PKHD1: variants seen among roughly 807,000 people sequenced by gnomAD.
The protein encoded by PKHD1 is fibrocystin.
Under a neutral mutation model 412.0 loss-of-function variants are expected in PKHD1, and 291 were observed. That is an observed-to-expected ratio of 0.71 (90% CI 0.64 to 0.78). The LOEUF (loss-of-function observed/expected upper bound fraction) is 0.78. PKHD1 is among the 30% of genes least tolerant of loss of function. The pLI, the probability that PKHD1 is intolerant of heterozygous loss-of-function variation, is 0.00. For missense variants in PKHD1, 4,825 were observed against 4,950.7 expected (o/e 0.97, Z 0.76); for synonymous variants, 1,777 against 1,821.5 (o/e 0.98, Z 0.62).
chr6:51,743,689 G>T (rs527345818), intron 60 of PKHD1, among the ~76,000 whole-genome samples: 1 of 152,252 alleles, frequency 6.6e-6, no homozygotes, highest in South Asian at 2.1e-4. Flanking sequence ...GACCAGAAAA[G>T]AAATCTAAAA....
chr6:51,917,830 TAG>T (rs999645761), intron 37 of PKHD1, among the ~76,000 whole-genome samples: 3 of 152,180 alleles, frequency 2.0e-5, no homozygotes, highest in African/African-American at 7.2e-5. Flanking sequence ...CCATAGCACT[TAG>T]AGTTTATCCT....
At chr6:51,900,601 A>G (rs1390430927) in intron 43 of PKHD1, among the ~76,000 whole-genome samples, 1 of 152,248 alleles carries the variant, frequency 6.6e-6, no homozygotes, top group Non-Finnish European at 1.5e-5. Flanking sequence ...CATTCAGGAC[A>G]TAGGCATGGG....
At chr6:51,930,966 T>C (rs59600833) in intron 37 of PKHD1, among the ~76,000 whole-genome samples, 2 of 152,132 alleles carry the variant, frequency 1.3e-5, no homozygotes, top group African/African-American at 2.4e-5. Flanking sequence ...TGAAAAGAGA[T>C]AGACAAGAAA....
intron 5 of PKHD1, among the ~76,000 whole-genome samples, chr6:52,077,428 AG>A (rs1164815577): frequency 6.6e-6 from 1 of 152,158 alleles, no homozygotes; most frequent in Non-Finnish European, 1.5e-5. Flanking sequence ...AATCCCTTCT[AG>A]ATGCCTAGAC....
chr6:51,977,523 G>A (rs1794618169), intron 35 of PKHD1, among the ~76,000 whole-genome samples: 1 of 152,122 alleles, frequency 6.6e-6, no homozygotes, highest in African/African-American at 2.4e-5. Flanking sequence ...CTTTCTTCCA[G>A]AAGCTTTTGA....
rs867707168 is a variant in PKHD1 at position 51,855,374 on chromosome 6, C to T, written c.7911+519G>A. Among the ~76,000 whole-genome samples, 4 of 152,332 alleles carry T rather than the reference C, an allele frequency of 2.6e-5. No individual in the cohort carries two copies. The East Asian group carries it at 5.8e-4, about 22-fold the overall frequency. Reference sequence around the variant, plus strand: ...GTTTCTAGTAAGCCATCTTGCCACACGGCCATTTCTATCTTCACTGCTCTT... The same window carrying T: ...GTTTCTAGTAAGCCATCTTGCCACATGGCCATTTCTATCTTCACTGCTCTT... On this transcript the variant is annotated intron_variant, in intron 49 of 66. Transcript: ENST00000371117.
chr6:51,916,230 G>A (rs1403956923), intron 37 of PKHD1, among the ~76,000 whole-genome samples: 3 of 151,994 alleles, frequency 2.0e-5, no homozygotes, highest in Admixed American at 6.6e-5. Flanking sequence ...ATTGCCTTCT[G>A]GGCAATCACT....
At chr6:51,631,960 G>A (rs1370743988) in intron 65 of PKHD1, among the ~76,000 whole-genome samples, 1 of 120,214 alleles carries the variant, frequency 8.3e-6, no homozygotes, top group Non-Finnish European at 1.7e-5. Context: ...TTTTTATTGT[G>A]ACAGAATTTC....
At chr6:51,840,405 G>C (rs993241351) in intron 50 of PKHD1, among the ~76,000 whole-genome samples, 1 of 152,056 alleles carries the variant, frequency 6.6e-6, no homozygotes, top group Admixed American at 6.6e-5. Context: ...TGAATTTTGG[G>C]GGGGACAAAA....
intron 25 of PKHD1, 80 bp downstream of exon 25, chr6:52,044,886 G>A: frequency 6.6e-7 from 1 of 1,509,356 alleles, no homozygotes; most frequent in South Asian, 1.1e-5. Context: ...CTAAATCAAT[G>A]AGTCCATGTT....
intron 41 of PKHD1, among the ~76,000 whole-genome samples, chr6:51,904,714 A>G (rs1275489295): frequency 6.6e-6 from 1 of 152,194 alleles, no homozygotes; most frequent in East Asian, 1.9e-4. Flanking sequence ...CTTATAATTC[A>G]CAACATTCAA....
chr6:51,616,567 A>G lies in PKHD1; in HGVS notation c.*2514T>C. On this transcript the variant is annotated 3_prime_UTR_variant, in exon 67 of 67. Coordinates refer to ENST00000371117, the MANE Select transcript of PKHD1 (RefSeq NM_138694.4). The stretch of plus-strand genomic sequence containing the variant: ...TAGGAGAAAGAGGAGTAGCTTAACT[A>G]TGGGTTGAGGAATTTTAGCTAGATG... 2.5e-6 allele frequency: 1 copy of G among 392,588 alleles called. No individual in the cohort carries two copies. Among genetic ancestry groups the G allele is most frequent in the Non-Finnish European group, 4.5e-6 (1 of 223,708 alleles). 24.3% of individuals were successfully genotyped at this position (392,588 alleles called of 1,614,324 possible). A position where few individuals can be genotyped will look rare whatever the true frequency, so the allele number is the denominator to read the frequency against.
intron 60 of PKHD1, chr6:51,721,477 T>C: frequency 1.2e-6 from 1 of 854,644 alleles, no homozygotes; most frequent in Non-Finnish European, 1.4e-6. Context: ...CTCTACCATA[T>C]TATTTCACCT....
At position 51,688,230 on chromosome 6, in the gene PKHD1, T is replaced by A. The variant is rs1397199857; in HGVS notation, c.10157-28261A>T. Among the ~76,000 whole-genome samples, 6 of 152,320 alleles carry A rather than the reference T, an allele frequency of 3.9e-5. No individual in the cohort carries two copies. The South Asian group carries it at 1.0e-3, about 26-fold the overall frequency. ...CAGAATGAATCAGTACTTGACTGAT[T>A]TAAGTATAAAATGCCTTGGTTTGTT... On this transcript the variant is annotated intron_variant, in intron 60 of 66. Transcript: ENST00000371117.
chr6:51,685,596 A>G (rs1217834567), intron 60 of PKHD1, among the ~76,000 whole-genome samples: 1 of 152,044 alleles, frequency 6.6e-6, no homozygotes, highest in Non-Finnish European at 1.5e-5. Context: ...TCGTTATCTC[A>G]CCATCCAGAG....
At chr6:51,900,919 G>C (rs1240227775) in intron 43 of PKHD1, among the ~76,000 whole-genome samples, 3 of 152,206 alleles carry the variant, frequency 2.0e-5, no homozygotes, top group Non-Finnish European at 2.9e-5. Context: ...ATAAAAAAAT[G>C]CTCATCATCA....
chr6:51,628,347 C>T (rs1364843893), intron 65 of PKHD1, among the ~76,000 whole-genome samples: 1 of 152,134 alleles, frequency 6.6e-6, no homozygotes, highest in East Asian at 1.9e-4. Flanking sequence ...TCTGTTCCTG[C>T]ATTAATTCAC....
rs2580020 is a variant in PKHD1 at position 51,638,773 on chromosome 6, C to T, written c.11506+76G>A. The T allele has an allele frequency of 0.028, 24,767 of 881,226 alleles. 576 individuals are homozygous for T. The highest frequency in any genetic ancestry group is 0.096 in the African/African-American group (5,277 of 55,042). 54.6% of individuals were successfully genotyped at this position (881,226 alleles called of 1,614,324 possible). On this transcript the variant is annotated intron_variant, in intron 64 of 66. Transcript: ENST00000371117. Reference sequence around the variant, plus strand: ...TTATTCATGATAGTAGCTATTCCCACTATAAGGGAGAAAGGATTATCTTCT... The same window carrying T: ...TTATTCATGATAGTAGCTATTCCCATTATAAGGGAGAAAGGATTATCTTCT...
Position 52,025,367 on chromosome 6 carries a change from C to A in PKHD1, c.4443G>T (p.Arg1481Ser). Reference sequence around the variant, plus strand: ...CATCCATGACAGGACTTGCCTCTTCCCTTATGAAAAGAGTGCAATTCCCCT... The same window carrying A: ...CATCCATGACAGGACTTGCCTCTTCACTTATGAAAAGAGTGCAATTCCCCT... ...ECQGNCTLFI[R>S]EEASPVMDAL... is the part of the protein sequence containing the mutation. The change falls in exon 32 of 67, where the codon AGG becomes AGT. Residue 1481 changes from arginine (R) to serine (S), a missense_variant. Arg to Ser is a moderately radical substitution (Grantham distance 110, BLOSUM62 -1). Transcript: ENST00000371117. 6.2e-7 allele frequency: 1 copy of A among 1,613,346 alleles called. No homozygotes were observed. Among genetic ancestry groups the A allele is most frequent in the Non-Finnish European group, 8.5e-7 (1 of 1,179,370 alleles).
Sources: gnomAD v4.1 joint callset for allele counts (sites outside exome capture counted in the v4.1 genomes callset) on GRCh38, gnomAD v4.1.1 for gene constraint, MANE v1.5 for transcripts, NCBI Gene and HGNC (gene_info 2026-07-23, HGNC 2026-07-21) for gene names.